The following HACE1 variants were observed in gnomAD, a reference collection of about 807,000 sequenced individuals.
HACE1 encodes E3 ubiquitin-protein ligase HACE1.
HACE1 carries 73 observed loss-of-function variants against 118.4 expected under a neutral mutation model. The observed-to-expected ratio is 0.62, with a 90% CI of 0.51 to 0.75. The LOEUF is 0.75. Among genes scored for constraint, HACE1 ranks in the 30% least tolerant of loss-of-function variants. The probability of loss-of-function intolerance (pLI) is 0.00; values close to 1 mark genes in which losing one functional copy is unlikely to be tolerated. For synonymous variants in HACE1, 368 were observed against 374.8 expected, an observed-to-expected ratio of 0.98 and a Z score of 0.21; for missense variants, 749 against 1,102.2, an observed-to-expected ratio of 0.68 and a Z score of 4.54.
intron 14 of HACE1, 72 bp from the exon 15 acceptor site, chr6:104,777,389 C>G: frequency 2.2e-6 from 2 of 893,804 alleles, no homozygotes; most frequent in Non-Finnish European, 3.8e-6. Context: ...TACTAGCTTG[C>G]TAAATGCCTT....
At chr6:104,799,604 C>A (rs1007836486) in intron 7 of HACE1, among the ~76,000 whole-genome samples, 5 of 152,210 alleles carry the variant, frequency 3.3e-5, no homozygotes, top group Non-Finnish European at 5.9e-5. Flanking sequence ...TGGAGTTGCT[C>A]GAGATGAACA....
chr6:104,770,035 T>C (rs1780444364), intron 19 of HACE1, among the ~76,000 whole-genome samples: 1 of 152,206 alleles, frequency 6.6e-6, no homozygotes, highest in Non-Finnish European at 1.5e-5. Context: ...TGGGAGGTAT[T>C]ATTATTCCAA....
chr6:104,796,547 T>C (rs1267748352), intron 9 of HACE1, 108 bp downstream of exon 9: 7 of 707,868 alleles, frequency 9.9e-6, no homozygotes, highest in African/African-American at 5.3e-5. Context: ...ATTAAGATAT[T>C]TGTGACAATA....
At chr6:104,775,929 T>G (rs887273347) in intron 17 of HACE1, among the ~76,000 whole-genome samples, 1 of 152,220 alleles carries the variant, frequency 6.6e-6, no homozygotes, top group Admixed American at 6.5e-5. Flanking sequence ...AGAGAAAAGA[T>G]TTTTAGGAAA....
At chr6:104,859,409 G>C (rs1004575309) in intron 1 of HACE1, 158 bp downstream of exon 1, 4 of 618,952 alleles carry the variant, frequency 6.5e-6, no homozygotes, top group Non-Finnish European at 1.1e-5. Context: ...GGCCAGGGGA[G>C]TTCGGGGCCC....
At chr6:104,818,025 G>T (rs1772297371) in intron 6 of HACE1, among the ~76,000 whole-genome samples, 1 of 152,078 alleles carries the variant, frequency 6.6e-6, no homozygotes, top group Admixed American at 6.6e-5. Context: ...TGGTTTAAGG[G>T]ACTAGCATTC....
In HACE1 at chr6:104,811,295, A is replaced by G. The variant is rs1179208695; in HGVS notation, c.617+16T>C. 2.3e-6 allele frequency: 2 copies of G among 877,918 alleles called. No individual in the cohort carries two copies. Among genetic ancestry groups the G allele is most frequent in the South Asian group, 1.3e-5 (1 of 77,166 alleles). The allele number at this position is 877,918 out of a possible 1,614,324, so 54.4% of individuals were successfully genotyped here. A position where few individuals can be genotyped will look rare whatever the true frequency, so the allele number is the denominator to read the frequency against. On this transcript the variant is annotated intron_variant, in intron 7 of 23. Transcript: ENST00000262903. The stretch of plus-strand genomic sequence containing the variant: ...ATATGAGCATATATAGCATCTGGAA[A>G]TATAAAATATCATACCTGCAAGCAA...
chr6:104,742,727 G>T (rs1776910317), intron 22 of HACE1, among the ~76,000 whole-genome samples: 1 of 151,752 alleles, frequency 6.6e-6, no homozygotes, highest in Non-Finnish European at 1.5e-5. Context: ...CTGTAAACTA[G>T]TTCAACCATT....
intron 14 of HACE1, among the ~76,000 whole-genome samples, chr6:104,781,581 A>T (rs1414183893): frequency 6.6e-6 from 1 of 152,146 alleles, no homozygotes; most frequent in East Asian, 1.9e-4. Context: ...TCCTTTCTCC[A>T]ACAACGAGAA....
At chr6:104,852,220 T>TGC in intron 2 of HACE1, 97 bp downstream of exon 2, 2 of 713,700 alleles carry the variant, frequency 2.8e-6, no homozygotes, top group Non-Finnish European at 5.2e-6. Flanking sequence ...TGTGTGTGTG[T>TGC]GTGTGTGTGC....
chr6:104,771,991 A>C lies in HACE1; in HGVS notation c.1948T>G (p.Leu650Val). Residue 650 changes from leucine (L) to valine (V), a missense_variant, in exon 18 of 24, where the codon TTA becomes GTA. Leu to Val is a conservative substitution (Grantham distance 32, BLOSUM62 1). Coordinates refer to ENST00000262903, the MANE Select transcript of HACE1 (RefSeq NM_020771.4). ...YFRFAGQILGLALNHRQLVNI... is the reference protein window; with the variant it reads ...YFRFAGQILGVALNHRQLVNI... ...ACCAGCTGCCTGTGGTTCAACGCTA[A>C]TCCCAAGATCTGCCCAGCAAACCGA... 1 of 1,608,936 alleles carries C rather than the reference A, an allele frequency of 6.2e-7. No homozygotes were observed. Among genetic ancestry groups the C allele is most frequent in the East Asian group, 2.2e-5 (1 of 44,818 alleles).
intron 22 of HACE1, among the ~76,000 whole-genome samples, chr6:104,737,620 T>C (rs534218934): frequency 3.9e-5 from 6 of 152,090 alleles, no homozygotes; most frequent in Admixed American, 3.9e-4. Flanking sequence ...GCTTTTCCGA[T>C]GGGCTTAAAA....
At chr6:104,799,889 G>C (rs1230846567) in intron 7 of HACE1, among the ~76,000 whole-genome samples, 1 of 88,358 alleles carries the variant, frequency 1.1e-5, no homozygotes, top group African/African-American at 6.0e-5. Context: ...TGGACAGTAG[G>C]TGCAGCCCAC....
Position 104,808,715 on chromosome 6 carries a change from T to C in HACE1, c.617+2596A>G, listed in dbSNP as rs770394660. ...TTTGTCCTGGGGTTAACTTGTTCTA[T>C]TTCCTATATTCCTTTCCCTTTCATT... On this transcript the variant is annotated intron_variant, in intron 7 of 23. Coordinates refer to ENST00000262903, the MANE Select transcript of HACE1 (RefSeq NM_020771.4). 6.2e-4 allele frequency among the ~76,000 whole-genome samples: 95 copies of C among 152,204 alleles called. 1 individual carries two copies. The highest frequency in any genetic ancestry group is 3.8e-4 in the Non-Finnish European group (26 of 68,036).
chr6:104,749,222 A>G (rs964655500), intron 20 of HACE1, among the ~76,000 whole-genome samples: 7 of 152,166 alleles, frequency 4.6e-5, no homozygotes, highest in African/African-American at 1.7e-4. Flanking sequence ...TATTGCAGTC[A>G]GGTCTAATAA....
chr6:104,810,354 G>T (rs958184398), intron 7 of HACE1, among the ~76,000 whole-genome samples: 1 of 151,594 alleles, frequency 6.6e-6, no homozygotes, highest in Non-Finnish European at 1.5e-5. Context: ...CCAACAAGAA[G>T]CTAAACAAGA....
At chr6:104,761,693 C>A (rs1205103130) in intron 19 of HACE1, among the ~76,000 whole-genome samples, 1 of 152,136 alleles carries the variant, frequency 6.6e-6, no homozygotes, top group Non-Finnish European at 1.5e-5. Flanking sequence ...ACAAAATTGA[C>A]AAATGGGATC....
chr6:104,733,800 C>T lies in HACE1; in HGVS notation c.2514-3384G>A, dbSNP rs150333550. Among the ~76,000 whole-genome samples, 1,174 of 150,884 alleles carry T rather than the reference C, an allele frequency of 7.8e-3. 16 individuals carry two copies. Among genetic ancestry groups the T allele is most frequent in the African/African-American group, 0.025 (1,013 of 40,904 alleles). On this transcript the variant is annotated intron_variant, in intron 22 of 23. Coordinates refer to ENST00000262903, the MANE Select transcript of HACE1 (RefSeq NM_020771.4). ...AGTTGCAGTGAGCTGAGATCAACCA[C>T]TGCACTCCAGCCTGGGCAATAGAGC...
chr6:104,824,408 C>T (rs1773096906), intron 6 of HACE1, among the ~76,000 whole-genome samples: 1 of 152,228 alleles, frequency 6.6e-6, no homozygotes, highest in Admixed American at 6.5e-5. Context: ...ACTCCACATA[C>T]ATTCTTCCAA....
Sources: allele counts gnomAD v4.1 joint callset (sites outside exome capture counted in the v4.1 genomes callset), GRCh38; gene constraint gnomAD v4.1.1; transcripts MANE v1.5; gene names NCBI Gene and HGNC (gene_info 2026-07-23, HGNC 2026-07-21).